Variants in MTRF1 observed in about 807,000 individuals in gnomAD.
The protein encoded by MTRF1 is mitochondrial translation release factor 1.
A neutral mutation model predicts 62.9 loss-of-function variants in MTRF1; 51 were observed. That is an observed-to-expected ratio of 0.81 (90% CI 0.65 to 1.02). The LOEUF is 1.02. Among genes scored for constraint, MTRF1 ranks in the 50% least tolerant of loss-of-function variants. MTRF1 has a pLI of 0.00. For synonymous variants in MTRF1, 158 were observed against 181.9 expected, an observed-to-expected ratio of 0.87 and a Z score of 1.06; for missense variants, 446 against 530.0, an observed-to-expected ratio of 0.84 and a Z score of 1.56.
chr13:41,282,264 T>C, the MTRF1 span, among the ~76,000 whole-genome samples: 1 of 152,306 alleles, frequency 6.6e-6, no homozygotes, highest in South Asian at 2.1e-4. Flanking sequence ...TGATTCAGCC[T>C]GGGCAACGGA....
the MTRF1 span, among the ~76,000 whole-genome samples, chr13:41,285,775 G>A: frequency 8.5e-3 from 1,288 of 152,102 alleles, 20 homozygotes; most frequent in African/African-American, 0.03. Flanking sequence ...GACACTCACT[G>A]CCTCCAGCCC....
upstream of MTRF1, among the ~76,000 whole-genome samples, chr13:41,266,142 T>G (rs1471717912): frequency 6.6e-6 from 1 of 151,030 alleles, no homozygotes; most frequent in Non-Finnish European, 1.5e-5. Context: ...CCACCACACC[T>G]GGCTTTTATT....
At chr13:41,226,350 A>T (rs2034429155) in intron 8 of MTRF1, 82 bp downstream of exon 8, 1 of 1,393,152 alleles carries the variant, frequency 7.2e-7, no homozygotes, top group Admixed American at 2.2e-5. Context: ...TTCCCATTTA[A>T]GCAAGAACAA....
chr13:41,258,573 AAC>A (rs746208236), intron 2 of MTRF1, among the ~76,000 whole-genome samples: 56 of 83,770 alleles, frequency 6.7e-4, no homozygotes, highest in African/African-American at 2.5e-3. Flanking sequence ...TAAAAAAAAA[AAC>A]AAAAAAAAAA....
chr13:41,237,488 G>A (rs1446699748), intron 6 of MTRF1, among the ~76,000 whole-genome samples: 1 of 151,894 alleles, frequency 6.6e-6, no homozygotes, highest in Non-Finnish European at 1.5e-5. Context: ...TGAGCATAGT[G>A]CTCACACTAT....
the MTRF1 span, among the ~76,000 whole-genome samples, chr13:41,304,331 C>T: frequency 6.6e-6 from 1 of 152,182 alleles, no homozygotes; most frequent in Non-Finnish European, 1.5e-5. Flanking sequence ...TGGCTATTCA[C>T]AGGCACAATC....
At chr13:41,240,188 C>T in intron 6 of MTRF1, 73 bp downstream of exon 6, 1 of 1,378,388 alleles carries the variant, frequency 7.3e-7, no homozygotes, top group Non-Finnish European at 9.8e-7. Flanking sequence ...GACAGATTTT[C>T]CTAGAAGCTA....
At chr13:41,284,763 T>C in the MTRF1 span, among the ~76,000 whole-genome samples, 2 of 152,096 alleles carry the variant, frequency 1.3e-5, no homozygotes, top group Non-Finnish European at 2.9e-5. Context: ...AAGTGATTCT[T>C]GTGCCTCAGC....
At chr13:41,284,777 C>G in the MTRF1 span, among the ~76,000 whole-genome samples, 1 of 152,076 alleles carries the variant, frequency 6.6e-6, no homozygotes, top group Non-Finnish European at 1.5e-5. Context: ...CCTCAGCCTC[C>G]CGAGTAGCTG....
At chr13:41,271,254 T>A in the MTRF1 span, among the ~76,000 whole-genome samples, 1 of 152,116 alleles carries the variant, frequency 6.6e-6, no homozygotes, top group Non-Finnish European at 1.5e-5. Context: ...ACTTAGGAAC[T>A]CTAGAGTTTG....
the MTRF1 span, chr13:41,311,481 C>G: frequency 6.4e-7 from 1 of 1,555,384 alleles, no homozygotes; most frequent in Non-Finnish European, 8.7e-7. Flanking sequence ...GCGGAGCGCC[C>G]GGGCACCTAG....
At chr13:41,266,159 T>TA (rs1425655355), upstream of MTRF1, among the ~76,000 whole-genome samples, 1 of 152,038 alleles carries the variant, frequency 6.6e-6, no homozygotes, top group Non-Finnish European at 1.5e-5. Flanking sequence ...TATTTTTTTT[T>TA]AAATAGAGAT....
At chr13:41,294,628 T>G in the MTRF1 span, among the ~76,000 whole-genome samples, 9 of 152,012 alleles carry the variant, frequency 5.9e-5, no homozygotes, top group African/African-American at 2.2e-4. Flanking sequence ...GAAAAGATAA[T>G]AATGTTATAT....
the MTRF1 span, among the ~76,000 whole-genome samples, chr13:41,295,202 G>C: frequency 6.6e-6 from 1 of 152,018 alleles, no homozygotes; most frequent in Admixed American, 6.6e-5. Context: ...TGATGTTGTG[G>C]CCTGACACTG....
chr13:41,291,908 A>G, the MTRF1 span, among the ~76,000 whole-genome samples: 1 of 152,188 alleles, frequency 6.6e-6, no homozygotes, highest in Non-Finnish European at 1.5e-5. Context: ...TGGAACACTT[A>G]ATTGAAAAAT....
chr13:41,280,556 A>T, the MTRF1 span, among the ~76,000 whole-genome samples: 2 of 152,046 alleles, frequency 1.3e-5, no homozygotes, highest in African/African-American at 2.4e-5. Flanking sequence ...AATATTTTAC[A>T]GATTTTGACT....
the MTRF1 span, among the ~76,000 whole-genome samples, chr13:41,286,094 A>C: frequency 6.6e-6 from 1 of 150,940 alleles, no homozygotes; most frequent in Non-Finnish European, 1.5e-5. Context: ...ACAACAAAAA[A>C]AAAAAAAAAA....
the MTRF1 span, chr13:41,287,608 G>C: frequency 6.5e-6 from 1 of 153,712 alleles, no homozygotes; most frequent in African/African-American, 2.4e-5. Flanking sequence ...AAGTGACTGA[G>C]TGGTTCAAAA....
the MTRF1 span, among the ~76,000 whole-genome samples, chr13:41,288,530 G>T: frequency 6.6e-6 from 1 of 152,182 alleles, no homozygotes; most frequent in Non-Finnish European, 1.5e-5. Flanking sequence ...AAAAAGATGG[G>T]ATTAGACAAA....
Sources: gnomAD v4.1 joint callset for allele counts (sites outside exome capture counted in the v4.1 genomes callset) on GRCh38, gnomAD v4.1.1 for gene constraint, MANE v1.5 for transcripts, NCBI Gene and HGNC (gene_info 2026-07-23, HGNC 2026-07-21) for gene names.